Variants in MAP2K1 observed in about 807,000 individuals in gnomAD.
The protein encoded by MAP2K1 is dual specificity mitogen-activated protein kinase kinase 1.
In MAP2K1, 16 loss-of-function variants were observed where a neutral mutation model predicts 46.3. The ratio of observed to expected loss-of-function variants is 0.35; its 90% CI spans 0.23 to 0.52. The LOEUF is 0.52. Among genes scored for constraint, MAP2K1 ranks in the 20% least tolerant of loss-of-function variants. The probability of loss-of-function intolerance (pLI) is 0.94; values close to 1 mark genes in which losing one functional copy is unlikely to be tolerated. For missense variants in MAP2K1, 263 were observed against 497.1 expected (o/e 0.53, Z 4.48); for synonymous variants, 183 against 185.6 (o/e 0.99, Z 0.11).
In MAP2K1 at chr15:66,436,877, C is replaced by G. The variant is rs1474593504; in HGVS notation, c.423C>G (p.Ile141Met). ...GAFYSDGEIS[I>M]CMEHMDGGSL... ...TCTACAGCGATGGCGAGATCAGTAT[C>G]TGCATGGAGCACATGGTATGTGACA... Residue 141 changes from isoleucine to methionine, a missense_variant, in exon 3 of 11, where the codon ATC (isoleucine) becomes ATG (methionine). Ile to Met is a conservative substitution (Grantham distance 10). Transcript: ENST00000307102. 6.2e-7 allele frequency: 1 copy of G among 1,614,036 alleles called. No homozygotes were observed. The highest frequency in any genetic ancestry group is 1.3e-5 in the African/African-American group (1 of 74,922).
intron 1 of MAP2K1, among the ~76,000 whole-genome samples, chr15:66,404,118 T>G (rs2093389719): frequency 6.6e-6 from 1 of 152,222 alleles, no homozygotes; most frequent in Non-Finnish European, 1.5e-5. Flanking sequence ...TGTATCCTGC[T>G]AATCAGGCAC....
At chr15:66,408,367 A>G (rs1293925953) in intron 1 of MAP2K1, among the ~76,000 whole-genome samples, 2 of 152,206 alleles carry the variant, frequency 1.3e-5, no homozygotes, top group African/African-American at 4.8e-5. Flanking sequence ...ATTTTCAGTG[A>G]AACAGGAGTC....
chr15:66,435,329 A>T (rs575240416), intron 2 of MAP2K1, 92 bp downstream of exon 2: 3 of 1,053,556 alleles, frequency 2.8e-6, no homozygotes, highest in African/African-American at 1.6e-5. Flanking sequence ...GATTTTACTC[A>T]ATACCTTTTT....
At chr15:66,404,687 G>T (rs1406059077) in intron 1 of MAP2K1, among the ~76,000 whole-genome samples, 5 of 152,196 alleles carry the variant, frequency 3.3e-5, no homozygotes, top group African/African-American at 9.6e-5. Flanking sequence ...AGGTGTTTCG[G>T]TTACGTTGAA....
chr15:66,485,997 C>G (rs988637309), intron 7 of MAP2K1, among the ~76,000 whole-genome samples: 1 of 152,182 alleles, frequency 6.6e-6, no homozygotes, highest in African/African-American at 2.4e-5. Context: ...CTCTTGGGCT[C>G]AAGTGATCCT....
chr15:66,491,171 A>G lies in MAP2K1; in HGVS notation c.*556A>G, dbSNP rs1893244950. On this transcript the variant is annotated 3_prime_UTR_variant, in exon 11 of 11. Transcript: ENST00000307102. Reference sequence around the variant, plus strand: ...GTAGAACTCAGCAGTTGACATCCAAATCTAGCCAGAGCCCTTCACTGCCAT... The same window carrying G: ...GTAGAACTCAGCAGTTGACATCCAAGTCTAGCCAGAGCCCTTCACTGCCAT... 3.6e-6 allele frequency: 1 copy of G among 274,864 alleles called. No individual in the cohort carries two copies. Among genetic ancestry groups the G allele is most frequent in the Non-Finnish European group, 7.0e-6 (1 of 143,232 alleles). The allele number at this position is 274,864 out of a possible 1,614,324, so 17.0% of individuals were successfully genotyped here.
chr15:66,446,689 CT>C, intron 5 of MAP2K1: 1 of 389,642 alleles, frequency 2.6e-6, no homozygotes, highest in Non-Finnish European at 5.5e-6. Flanking sequence ...GGCATAAACA[CT>C]TTCAATTTTA....
intron 1 of MAP2K1, among the ~76,000 whole-genome samples, chr15:66,420,795 ATATATATG>A (rs2093437890): frequency 1.9e-5 from 2 of 103,352 alleles, no homozygotes; most frequent in African/African-American, 7.2e-5. Context: ...ATATGTGTGT[ATATATATG>A]TGTATATATA....
intron 5 of MAP2K1, among the ~76,000 whole-genome samples, chr15:66,448,175 C>T (rs1434398807): frequency 8.1e-6 from 1 of 123,798 alleles, no homozygotes; most frequent in African/African-American, 2.8e-5. Context: ...AAAAAAAAAC[C>T]CACTATTTCC....
At chr15:66,438,280 G>A (rs916132308) in intron 3 of MAP2K1, among the ~76,000 whole-genome samples, 1 of 151,748 alleles carries the variant, frequency 6.6e-6, no homozygotes, top group African/African-American at 2.4e-5. Flanking sequence ...CTAGAGATGG[G>A]GTTTCACCAT....
At chr15:66,394,135 C>T (rs781176072) in intron 1 of MAP2K1, among the ~76,000 whole-genome samples, 8 of 152,152 alleles carry the variant, frequency 5.3e-5, no homozygotes, top group Non-Finnish European at 1.0e-4. Context: ...TAGATCCTAC[C>T]TCAGAGGAAT....
At chr15:66,481,064 G>T (rs1400847155) in intron 5 of MAP2K1, among the ~76,000 whole-genome samples, 2 of 152,114 alleles carry the variant, frequency 1.3e-5, no homozygotes, top group East Asian at 1.9e-4. Flanking sequence ...GAAGGGGGAT[G>T]GGGGCATCGT....
intron 5 of MAP2K1, among the ~76,000 whole-genome samples, chr15:66,463,343 G>A (rs1309111814): frequency 1.3e-5 from 2 of 152,250 alleles, no homozygotes; most frequent in Non-Finnish European, 2.9e-5. Flanking sequence ...TCCTGGCACT[G>A]AGGGGGTGTG....
chr15:66,429,943 A>T (rs1463336105), intron 1 of MAP2K1, among the ~76,000 whole-genome samples: 1 of 151,650 alleles, frequency 6.6e-6, no homozygotes, highest in Non-Finnish European at 1.5e-5. Context: ...CTTATTCTGT[A>T]CCTCCTCAGA....
intron 1 of MAP2K1, among the ~76,000 whole-genome samples, chr15:66,407,330 T>C (rs890241119): frequency 6.6e-6 from 1 of 152,212 alleles, no homozygotes; most frequent in African/African-American, 2.4e-5. Context: ...AAGCGTTTCA[T>C]TTGACTCCAG....
At chr15:66,444,162 C>T (rs11852769) in intron 4 of MAP2K1, among the ~76,000 whole-genome samples, 15,917 of 150,464 alleles carry the variant, frequency 0.11, 1,024 homozygotes, top group Non-Finnish European at 0.15. Context: ...CGCTTGAACC[C>T]GGGAGGGGGT....
At chr15:66,436,682 A>G (rs1238905385) in intron 2 of MAP2K1, 64 bp from the exon 3 acceptor site, 25 of 1,465,138 alleles carry the variant, frequency 1.7e-5, no homozygotes, top group Non-Finnish European at 2.2e-5. Context: ...TAACAAGACT[A>G]TATCTTTCAT....
chr15:66,414,268 C>CT (rs2093419292), intron 1 of MAP2K1, among the ~76,000 whole-genome samples: 2 of 118,944 alleles, frequency 1.7e-5, no homozygotes, highest in African/African-American at 5.6e-5. Flanking sequence ...CTGTTACAAT[C>CT]TAAGGGGTTT....
At chr15:66,489,810 G>A in intron 10 of MAP2K1, 47 bp downstream of exon 10, 2 of 1,476,794 alleles carry the variant, frequency 1.4e-6, no homozygotes, top group Non-Finnish European at 1.9e-6. Flanking sequence ...TTATTCATTT[G>A]TTCTTCTCTG....
Sources: gnomAD v4.1 joint callset for allele counts (sites outside exome capture counted in the v4.1 genomes callset) on GRCh38, gnomAD v4.1.1 for gene constraint, MANE v1.5 for transcripts, NCBI Gene and HGNC (gene_info 2026-07-23, HGNC 2026-07-21) for gene names.